Variants in IGSF10 observed in about 807,000 individuals in gnomAD.
IGSF10 encodes the protein calvaria mechanical force protein 608.
In IGSF10, 126 loss-of-function variants were observed where a neutral mutation model predicts 128.2. That is an observed-to-expected ratio of 0.98 (90% CI 0.85 to 1.14). IGSF10 has a LOEUF of 1.14. Among genes scored for constraint, IGSF10 ranks in the 50% most tolerant of loss-of-function variants. The probability of loss-of-function intolerance (pLI) is 0.00; values close to 1 mark genes in which losing one functional copy is unlikely to be tolerated. For synonymous variants in IGSF10, 1,185 were observed against 1,146.2 expected (o/e 1.03, Z -0.68); for missense variants, 3,295 against 3,149.8 (o/e 1.05, Z -1.10).
the IGSF10 span, among the ~76,000 whole-genome samples, chr3:151,481,441 G>A: frequency 4.6e-4 from 70 of 152,216 alleles, no homozygotes; most frequent in African/African-American, 1.4e-3. Context: ...AATTGAAGCG[G>A]TCCTAAATTC....
chr3:151,437,495 C>T lies in IGSF10; in HGVS notation c.7066G>A (p.Ala2356Thr). 1.2e-6 allele frequency: 2 copies of T among 1,614,166 alleles called. No homozygotes were observed. The highest frequency in any genetic ancestry group is 1.7e-6 in the Non-Finnish European group (2 of 1,180,028). The change falls in exon 8 of 8, where the codon GCA becomes ACA. Residue 2356 changes from alanine to threonine, a missense_variant. Coordinates refer to ENST00000282466, the MANE Select transcript of IGSF10 (RefSeq NM_178822.5). Reference sequence around the variant, plus strand: ...TTACCATCAACAGAGCAATTCAATGCTGTGGACTTTCCCAGCTGGGCAACT... The same window carrying T: ...TTACCATCAACAGAGCAATTCAATGTTGTGGACTTTCCCAGCTGGGCAACT... ...KIVAQLGKST[A>T]LNCSVDGNPP...
At chr3:151,470,897 T>G in the IGSF10 span, among the ~76,000 whole-genome samples, 7 of 152,318 alleles carry the variant, frequency 4.6e-5, no homozygotes, top group East Asian at 1.3e-3. Flanking sequence ...ATCTTATGAA[T>G]TACTTCTCCT....
chr3:151,549,861 TATA>T, the IGSF10 span, among the ~76,000 whole-genome samples: 47 of 152,318 alleles, frequency 3.1e-4, no homozygotes, highest in African/African-American at 1.1e-3. Context: ...TTCCTTTTCT[TATA>T]AGAGTATTGT....
chr3:151,528,985 G>A, the IGSF10 span, among the ~76,000 whole-genome samples: 3 of 152,144 alleles, frequency 2.0e-5, no homozygotes, highest in East Asian at 5.9e-4. Flanking sequence ...ACAGCAGTCT[G>A]AGGTCAACCT....
the IGSF10 span, among the ~76,000 whole-genome samples, chr3:151,502,108 C>T: frequency 1.3e-5 from 2 of 152,024 alleles, no homozygotes; most frequent in South Asian, 2.1e-4. Flanking sequence ...TTTAAGTGCT[C>T]ATGTTACACC....
At chr3:151,566,288 T>C in the IGSF10 span, among the ~76,000 whole-genome samples, 1 of 151,948 alleles carries the variant, frequency 6.6e-6, no homozygotes, top group Non-Finnish European at 1.5e-5. Flanking sequence ...TTGAGATGAA[T>C]AGTAGAAAAG....
chr3:151,500,520 G>T, the IGSF10 span, among the ~76,000 whole-genome samples: 1 of 152,066 alleles, frequency 6.6e-6, no homozygotes, highest in African/African-American at 2.4e-5. Flanking sequence ...TAATAGAACG[G>T]GGAATAGTAA....
intron 5 of IGSF10, among the ~76,000 whole-genome samples, 183 bp from the exon 6 acceptor site, chr3:151,449,448 T>C (rs2108558604): frequency 6.6e-6 from 1 of 152,364 alleles, no homozygotes; most frequent in Non-Finnish European, 1.5e-5. Context: ...TATACCCTGC[T>C]ACAACATAAT....
the IGSF10 span, among the ~76,000 whole-genome samples, chr3:151,595,872 A>G: frequency 6.6e-6 from 1 of 152,124 alleles, no homozygotes; most frequent in African/African-American, 2.4e-5. Context: ...ATAAGTCTAG[A>G]GATCCAATGT....
rs1223143958 is a variant in IGSF10, at chr3:151,437,046, GAT to G, written c.7513_7514del (p.Ile2505LeufsTer2). On this transcript the variant is annotated frameshift_variant, in exon 8 of 8. Coordinates refer to ENST00000282466, the MANE Select transcript of IGSF10 (RefSeq NM_178822.5). LOFTEE classifies it low-confidence loss of function (END_TRUNC). ...EATAYDRGNY[I>X]CKAQNSVGHT... ...GACCAACACTATTTTGAGCCTTACAGATATAGTTTCCTCTGTCATAAGCTGTT... is the reference window on the plus strand; with the variant it reads ...GACCAACACTATTTTGAGCCTTACAGATAGTTTCCTCTGTCATAAGCTGTT... 1.2e-6 allele frequency: 2 copies of G among 1,614,128 alleles called. No homozygotes were observed. The highest frequency in any genetic ancestry group is 8.5e-7 in the Non-Finnish European group (1 of 1,179,994).
Position 151,457,126 on chromosome 3 carries a change from G to A in IGSF10, c.224C>T (p.Thr75Ile). 7 of 1,614,110 alleles carry A rather than the reference G, an allele frequency of 4.3e-6. No homozygotes were observed. The South Asian group carries it at 7.7e-5, about 18-fold the overall frequency. ...GYNSLVRLME[T>I]DFSGLTKLEL... Reference sequence around the variant, plus strand: ...CAGTTTGGTCAGGCCAGAAAAATCTGTTTCCATCAATCTAACCAAGCTGTT... The same window carrying A: ...CAGTTTGGTCAGGCCAGAAAAATCTATTTCCATCAATCTAACCAAGCTGTT... The change falls in exon 4 of 8, where the codon ACA (threonine) becomes ATA (isoleucine). Residue 75 changes from threonine to isoleucine, a missense_variant. By Grantham distance (89) the Thr-to-Ile change is moderately conservative (BLOSUM62 -1). Transcript: ENST00000282466.
At chr3:151,484,163 C>G in the IGSF10 span, among the ~76,000 whole-genome samples, 1 of 152,218 alleles carries the variant, frequency 6.6e-6, no homozygotes, top group Non-Finnish European at 1.5e-5. Flanking sequence ...TTTACCCTCA[C>G]AGTATAAACA....
chr3:151,587,823 G>A, the IGSF10 span, among the ~76,000 whole-genome samples: 1 of 152,192 alleles, frequency 6.6e-6, no homozygotes. Flanking sequence ...TAAGAAACAG[G>A]AGTTTGCCTG....
At chr3:151,439,631 C>CTTTG (rs1246689034) in intron 7 of IGSF10, among the ~76,000 whole-genome samples, 1 of 150,310 alleles carries the variant, frequency 6.7e-6, no homozygotes, top group East Asian at 1.9e-4. Context: ...ATAAATTTTA[C>CTTTG]TTTGTTAGAA....
chr3:151,466,275 G>C, the IGSF10 span, among the ~76,000 whole-genome samples: 2 of 152,008 alleles, frequency 1.3e-5, no homozygotes, highest in East Asian at 1.9e-4. Flanking sequence ...TGTGCTCACT[G>C]TTCTCTTGAT....
Position 151,438,086 on chromosome 3 carries a change from C to T in IGSF10, c.6475G>A (p.Ala2159Thr). 6.2e-7 allele frequency: 1 copy of T among 1,614,222 alleles called. No homozygotes were observed. The stretch of plus-strand genomic sequence containing the variant: ...CCAGTGACCTCACAGTCAAGGACAG[C>T]TGTGTCTCCAGCTTTGATTCTCTTG... ...TNKRIKAGDT[A>T]VLDCEVTGDP... The change falls in exon 8 of 8, where the codon GCT (alanine) becomes ACT (threonine). Residue 2159 changes from alanine (A) to threonine (T), a missense_variant. Physicochemically the swap from Ala to Thr is moderately conservative, Grantham distance 58. Transcript: ENST00000282466.
the IGSF10 span, among the ~76,000 whole-genome samples, chr3:151,586,783 G>T: frequency 6.6e-6 from 1 of 152,064 alleles, no homozygotes; most frequent in Non-Finnish European, 1.5e-5. Context: ...GAAATAAAAG[G>T]TGTCCTTGTT....
the IGSF10 span, among the ~76,000 whole-genome samples, chr3:151,484,279 G>GA: frequency 3.3e-5 from 5 of 152,198 alleles, no homozygotes; most frequent in South Asian, 2.1e-4. Context: ...GGGCATCTCT[G>GA]AAAAAAAGGC....
In IGSF10 at chr3:151,437,852, T is replaced by C. The variant is rs1032682840; in HGVS notation, c.6709A>G (p.Ile2237Val). 33 of 1,614,152 alleles carry C rather than the reference T, an allele frequency of 2.0e-5. No homozygotes were observed. The highest frequency in any genetic ancestry group is 2.8e-5 in the Non-Finnish European group (33 of 1,180,004). Residue 2237 changes from isoleucine to valine, a missense_variant, in exon 8 of 8, where the codon ATC (isoleucine) becomes GTC (valine). Coordinates refer to ENST00000282466, the MANE Select transcript of IGSF10 (RefSeq NM_178822.5). ...GTTCTGTTTGTATACAGACCATTGA[T>C]TAATGGAGGTTTAGAGACCACATCC... Reference protein sequence around the residue: ...KLDVVSKPPLINGLYTNRTVI... With the variant: ...KLDVVSKPPLVNGLYTNRTVI...
Sources: gnomAD v4.1 joint callset for allele counts (sites outside exome capture counted in the v4.1 genomes callset) on GRCh38, gnomAD v4.1.1 for gene constraint, MANE v1.5 for transcripts, NCBI Gene and HGNC (gene_info 2026-07-23, HGNC 2026-07-21) for gene names.